NXPH1: variants seen among roughly 807,000 people sequenced by gnomAD.
NXPH1 encodes the protein neurexophilin-1.
In NXPH1, 5 loss-of-function variants were observed where a neutral mutation model predicts 23.7. The ratio of observed to expected loss-of-function variants is 0.21; its 90% CI spans 0.11 to 0.44. The LOEUF (loss-of-function observed/expected upper bound fraction) is 0.44, where lower values mean the gene tolerates loss of function less well. Among genes scored for constraint, NXPH1 ranks in the 20% least tolerant of loss-of-function variants. NXPH1 has a pLI of 0.99. For synonymous variants in NXPH1, 144 were observed against 122.2 expected (o/e 1.18, Z -1.18); for missense variants, 324 against 321.6 (o/e 1.01, Z -0.06).
chr7:8,659,282 T>C (rs1474835883), intron 2 of NXPH1, among the ~76,000 whole-genome samples: 3 of 152,188 alleles, frequency 2.0e-5, no homozygotes, highest in Non-Finnish European at 2.9e-5. Flanking sequence ...TAGAAAAACA[T>C]TGGATGCCTT....
intron 2 of NXPH1, among the ~76,000 whole-genome samples, chr7:8,548,978 T>C (rs1011695086): frequency 6.6e-6 from 1 of 151,546 alleles, no homozygotes. Flanking sequence ...TTATACATAT[T>C]ACACTCAGAA....
At chr7:8,623,647 A>G (rs1247816794) in intron 2 of NXPH1, among the ~76,000 whole-genome samples, 2 of 79,654 alleles carry the variant, frequency 2.5e-5, no homozygotes, top group African/African-American at 1.6e-4. Flanking sequence ...TTTAGTTTTG[A>G]TAATAATTTT....
chr7:8,711,368 TC>T (rs1779792680), intron 2 of NXPH1, among the ~76,000 whole-genome samples: 1 of 152,258 alleles, frequency 6.6e-6, no homozygotes, highest in Non-Finnish European at 1.5e-5. Flanking sequence ...TATATTTTTT[TC>T]ATGAAAGGAT....
chr7:8,445,133 A>C (rs1816377211), intron 2 of NXPH1, among the ~76,000 whole-genome samples: 2 of 152,242 alleles, frequency 1.3e-5, no homozygotes, highest in Admixed American at 6.5e-5. Context: ...TAGCATGCTG[A>C]GAAAGGAAAA....
intron 2 of NXPH1, among the ~76,000 whole-genome samples, chr7:8,723,356 A>G (rs1779999675): frequency 6.6e-6 from 1 of 152,210 alleles, no homozygotes; most frequent in South Asian, 2.1e-4. Context: ...AATTCAAGGA[A>G]GAAAATGTAG....
intron 2 of NXPH1, among the ~76,000 whole-genome samples, chr7:8,440,130 T>C (rs1185003433): frequency 6.6e-6 from 1 of 152,186 alleles, no homozygotes. Context: ...TGGAAGGCCC[T>C]CTACCCCAGA....
chr7:8,712,069 A>G (rs1485072821), intron 2 of NXPH1, among the ~76,000 whole-genome samples: 1 of 152,178 alleles, frequency 6.6e-6, no homozygotes, highest in African/African-American at 2.4e-5. Flanking sequence ...GCCAAAAGAG[A>G]GTCGAGAAGT....
intron 2 of NXPH1, among the ~76,000 whole-genome samples, chr7:8,716,274 C>A (rs1003767193): frequency 3.3e-5 from 5 of 152,094 alleles, no homozygotes; most frequent in African/African-American, 1.2e-4. Flanking sequence ...ATATCATCTC[C>A]CCTTTAAGGT....
At chr7:8,675,370 A>G (rs1820935900) in intron 2 of NXPH1, among the ~76,000 whole-genome samples, 1 of 152,128 alleles carries the variant, frequency 6.6e-6, no homozygotes, top group Admixed American at 6.6e-5. Flanking sequence ...AATAAATATT[A>G]GTTTTATCAG....
intron 2 of NXPH1, among the ~76,000 whole-genome samples, chr7:8,591,936 T>C (rs1299017296): frequency 6.6e-6 from 1 of 151,636 alleles, no homozygotes; most frequent in Non-Finnish European, 1.5e-5. Flanking sequence ...ACCTTCAGGG[T>C]TACAGGCATT....
chr7:8,742,551 GTCT>G, intron 2 of NXPH1, among the ~76,000 whole-genome samples: 1 of 141,326 alleles, frequency 7.1e-6, no homozygotes, highest in Non-Finnish European at 1.6e-5. Context: ...GCTGAGATGT[GTCT>G]CTGAGATATT....
At chr7:8,652,385 T>C (rs1014005603) in intron 2 of NXPH1, among the ~76,000 whole-genome samples, 4 of 152,200 alleles carry the variant, frequency 2.6e-5, no homozygotes, top group African/African-American at 9.6e-5. Context: ...ATGAAAGGTT[T>C]TATCATTTCT....
chr7:8,605,863 A>G (rs1294150162), intron 2 of NXPH1, among the ~76,000 whole-genome samples: 1 of 152,142 alleles, frequency 6.6e-6, no homozygotes, highest in Non-Finnish European at 1.5e-5. Flanking sequence ...TTGTAAAAGC[A>G]CCATTCTTGA....
intron 2 of NXPH1, among the ~76,000 whole-genome samples, chr7:8,716,885 C>T (rs1384076585): frequency 6.6e-6 from 1 of 152,164 alleles, no homozygotes; most frequent in East Asian, 1.9e-4. Flanking sequence ...TAGTCTCTGG[C>T]CCTTCCCCCA....
intron 2 of NXPH1, among the ~76,000 whole-genome samples, chr7:8,722,771 C>A (rs925000023): frequency 1.3e-5 from 2 of 152,126 alleles, no homozygotes; most frequent in African/African-American, 4.8e-5. Flanking sequence ...GGTAACGAAC[C>A]TTCATCACAA....
chr7:8,607,042 GC>G (rs1819508837), intron 2 of NXPH1, among the ~76,000 whole-genome samples: 1 of 151,892 alleles, frequency 6.6e-6, no homozygotes, highest in Admixed American at 6.6e-5. Flanking sequence ...TTTAGTTGGG[GC>G]TTTAATTCTA....
intron 2 of NXPH1, among the ~76,000 whole-genome samples, chr7:8,544,224 C>G (rs568695051): frequency 1.1e-5 from 1 of 91,410 alleles, no homozygotes; most frequent in Non-Finnish European, 2.2e-5. Context: ...GTTGCTTTAG[C>G]TTGTTTGCTG....
intron 2 of NXPH1, among the ~76,000 whole-genome samples, chr7:8,643,011 C>T (rs1266282097): frequency 6.6e-6 from 1 of 152,030 alleles, no homozygotes; most frequent in Non-Finnish European, 1.5e-5. Context: ...ACTACGGGTG[C>T]ACGCCACCAT....
intron 2 of NXPH1, among the ~76,000 whole-genome samples, chr7:8,441,206 C>T (rs531462964): frequency 6.6e-6 from 1 of 152,106 alleles, no homozygotes; most frequent in Admixed American, 6.5e-5. Flanking sequence ...GTTGGGTCAG[C>T]GGCTTCATGG....
Sources: allele counts gnomAD v4.1 joint callset (sites outside exome capture counted in the v4.1 genomes callset), GRCh38; gene constraint gnomAD v4.1.1; transcripts MANE v1.5; gene names NCBI Gene and HGNC (gene_info 2026-07-23, HGNC 2026-07-21).